SPAG16: variants seen among roughly 807,000 people sequenced by gnomAD.
The protein encoded by SPAG16 is sperm-associated antigen 16 protein.
SPAG16 carries 86 observed loss-of-function variants against 80.4 expected under a neutral mutation model. The ratio of observed to expected loss-of-function variants is 1.07; its 90% CI spans 0.90 to 1.28. The LOEUF (loss-of-function observed/expected upper bound fraction) is 1.28. Among genes scored for constraint, SPAG16 ranks in the 50% most tolerant of loss-of-function variants. SPAG16 has a pLI of 0.00. For synonymous variants in SPAG16, 294 were observed against 265.9 expected, an observed-to-expected ratio of 1.11 and a Z score of -1.03; for missense variants, 870 against 765.3, an observed-to-expected ratio of 1.14 and a Z score of -1.61.
At chr2:213,723,884 C>T (rs1205209449) in intron 10 of SPAG16, among the ~76,000 whole-genome samples, 2 of 152,088 alleles carry the variant, frequency 1.3e-5, no homozygotes, top group Non-Finnish European at 2.9e-5. Flanking sequence ...CTGTAAATAC[C>T]TTTAGTTTAT....
chr2:214,135,707 CTCTCTCTG>C (rs1396179027), intron 14 of SPAG16, among the ~76,000 whole-genome samples: 10 of 146,736 alleles, frequency 6.8e-5, no homozygotes, highest in Middle Eastern at 3.5e-3. Context: ...CTATCTCTCT[CTCTCTCTG>C]TCTCTCTGTC....
intron 9 of SPAG16, among the ~76,000 whole-genome samples, chr2:213,403,375 G>A (rs546734309): frequency 6.6e-6 from 1 of 152,166 alleles, no homozygotes; most frequent in South Asian, 2.1e-4. Flanking sequence ...CATTCTGTCG[G>A]TTGCCTGTTC....
chr2:214,150,266 A>G (rs958324613), intron 15 of SPAG16, among the ~76,000 whole-genome samples: 9 of 152,106 alleles, frequency 5.9e-5, no homozygotes, highest in Admixed American at 2.6e-4. Context: ...TATTGCCATC[A>G]CATATCTGAA....
chr2:214,307,813 T>G (rs1695024678), intron 15 of SPAG16, among the ~76,000 whole-genome samples: 1 of 152,044 alleles, frequency 6.6e-6, no homozygotes, highest in South Asian at 2.1e-4. Context: ...TTACTTCCAA[T>G]TATGTATTTT....
intron 10 of SPAG16, among the ~76,000 whole-genome samples, chr2:213,528,604 T>G (rs1446835526): frequency 6.6e-6 from 1 of 152,098 alleles, no homozygotes; most frequent in African/African-American, 2.4e-5. Flanking sequence ...ACTGAAGATA[T>G]TTTAAGTAAA....
Position 213,881,033 on chromosome 2 carries a change from G to A in SPAG16, c.1214+18405G>A, listed in dbSNP as rs776652852. On this transcript the variant is annotated intron_variant, in intron 11 of 15. Coordinates refer to ENST00000331683, the MANE Select transcript of SPAG16 (RefSeq NM_024532.5). ...TGATGTTTGTAGTTTGATAGGAATGGCATTGAATCTGTAAATTGCTTTGGG... is the reference window on the plus strand; with the variant it reads ...TGATGTTTGTAGTTTGATAGGAATGACATTGAATCTGTAAATTGCTTTGGG... Among the ~76,000 whole-genome samples, 25 of 152,110 alleles carry A rather than the reference G, an allele frequency of 1.6e-4. 1 individual carries two copies. Among genetic ancestry groups the A allele is most frequent in the Non-Finnish European group, 3.7e-4 (25 of 68,010 alleles).
intron 10 of SPAG16, among the ~76,000 whole-genome samples, chr2:213,497,202 A>AT (rs1215136127): frequency 2.6e-5 from 4 of 152,138 alleles, no homozygotes; most frequent in Non-Finnish European, 5.9e-5. Flanking sequence ...ATGCCATTAA[A>AT]TTTTAAGAAG....
chr2:214,176,962 T>A (rs1357040960), intron 15 of SPAG16, among the ~76,000 whole-genome samples: 7 of 151,160 alleles, frequency 4.6e-5, no homozygotes, highest in East Asian at 1.9e-4. Context: ...TTTAAAAAAA[T>A]TTCTATTTGT....
intron 5 of SPAG16, among the ~76,000 whole-genome samples, chr2:213,319,657 C>A (rs919699266): frequency 2.6e-5 from 4 of 151,908 alleles, no homozygotes; most frequent in African/African-American, 9.7e-5. Flanking sequence ...AGTTCCTGAT[C>A]TCCTTTGAAT....
intron 15 of SPAG16, among the ~76,000 whole-genome samples, chr2:214,335,008 ATGC>A (rs1697181428): frequency 6.6e-6 from 1 of 152,210 alleles, no homozygotes; most frequent in African/African-American, 2.4e-5. Flanking sequence ...GTTATTAGGG[ATGC>A]TCGCAGGAAA....
intron 8 of SPAG16, among the ~76,000 whole-genome samples, chr2:213,371,702 C>T (rs1162506559): frequency 5.6e-5 from 2 of 35,594 alleles, no homozygotes; most frequent in Admixed American, 1.0e-3. Context: ...GGGAAGAAGA[C>T]ACATTAATTG....
chr2:213,970,069 A>G (rs1280470438), intron 12 of SPAG16, among the ~76,000 whole-genome samples: 5 of 152,178 alleles, frequency 3.3e-5, no homozygotes, highest in African/African-American at 1.2e-4. Context: ...GTGACCTCAC[A>G]TGGCAGAAGG....
intron 10 of SPAG16, among the ~76,000 whole-genome samples, chr2:213,681,402 C>CT (rs2064370840): frequency 6.6e-6 from 1 of 152,174 alleles, no homozygotes; most frequent in Non-Finnish European, 1.5e-5. Flanking sequence ...AAAATCAGAA[C>CT]TTAGTCCTCA....
At chr2:213,370,047 G>T (rs1368351298) in intron 8 of SPAG16, among the ~76,000 whole-genome samples, 1 of 152,126 alleles carries the variant, frequency 6.6e-6, no homozygotes, top group Non-Finnish European at 1.5e-5. Flanking sequence ...TGTGCTTTGC[G>T]TATTCATCCC....
At chr2:214,374,851 G>A (rs1220855215) in intron 15 of SPAG16, among the ~76,000 whole-genome samples, 1 of 152,164 alleles carries the variant, frequency 6.6e-6, no homozygotes, top group Admixed American at 6.5e-5. Context: ...ACTCCTTCCT[G>A]GGAGAGGGCA....
At chr2:214,200,288 G>C (rs1389376724) in intron 15 of SPAG16, among the ~76,000 whole-genome samples, 1 of 152,072 alleles carries the variant, frequency 6.6e-6, no homozygotes, top group African/African-American at 2.4e-5. Context: ...TGAGGGTTTT[G>C]ATCATAAAGG....
chr2:213,843,621 C>T (rs925618175), intron 10 of SPAG16, among the ~76,000 whole-genome samples: 2 of 152,142 alleles, frequency 1.3e-5, no homozygotes, highest in African/African-American at 4.8e-5. Context: ...GAGGCTGAAG[C>T]GGGTCGATCA....
At chr2:213,806,186 A>AAAAACT in intron 10 of SPAG16, among the ~76,000 whole-genome samples, 1 of 152,266 alleles carries the variant, frequency 6.6e-6, no homozygotes, top group South Asian at 2.1e-4. Flanking sequence ...AAACAAAAAC[A>AAAAACT]CCTGTAAATG....
At chr2:214,115,753 C>T (rs966896402) in intron 14 of SPAG16, among the ~76,000 whole-genome samples, 3 of 151,642 alleles carry the variant, frequency 2.0e-5, no homozygotes, top group Admixed American at 1.3e-4. Context: ...TCTTGTGTGC[C>T]GGTAGTCCCA....
Sources: gnomAD v4.1 joint callset for allele counts (sites outside exome capture counted in the v4.1 genomes callset) on GRCh38, gnomAD v4.1.1 for gene constraint, MANE v1.5 for transcripts, NCBI Gene and HGNC (gene_info 2026-07-23, HGNC 2026-07-21) for gene names.